GRIA1: variants seen among roughly 807,000 people sequenced by gnomAD.
GRIA1 encodes the protein glutamate ionotropic receptor AMPA type subunit 1, also known as glutamate receptor 1.
In GRIA1, 31 loss-of-function variants were observed where a neutral mutation model predicts 99.2. That is an observed-to-expected ratio of 0.31 (90% CI 0.23 to 0.42). The LOEUF is 0.42. GRIA1 is among the 10% of genes least tolerant of loss of function. The pLI, the probability that GRIA1 is intolerant of heterozygous loss-of-function variation, is 1.00. For missense variants in GRIA1, 782 were observed against 1,157.5 expected (o/e 0.68, Z 4.71); for synonymous variants, 438 against 432.4 (o/e 1.01, Z -0.16).
chr5:153,807,440 T>G (rs902594821), intron 15 of GRIA1, among the ~76,000 whole-genome samples: 11 of 152,214 alleles, frequency 7.2e-5, no homozygotes, highest in African/African-American at 2.2e-4. Context: ...GATAAAAGAA[T>G]GGGTCAGTCA....
At chr5:153,560,470 A>AC (rs1482549273) in intron 2 of GRIA1, among the ~76,000 whole-genome samples, 2 of 152,070 alleles carry the variant, frequency 1.3e-5, no homozygotes, top group Non-Finnish European at 1.5e-5. Context: ...CAAGGGAGGG[A>AC]CCAGGTGGGA....
At chr5:153,524,829 T>C (rs1757459561) in intron 2 of GRIA1, among the ~76,000 whole-genome samples, 1 of 152,218 alleles carries the variant, frequency 6.6e-6, no homozygotes, top group African/African-American at 2.4e-5. Flanking sequence ...CCAGTGAACC[T>C]GTAATATAGT....
chr5:153,588,373 A>G (rs1763679886), intron 2 of GRIA1, among the ~76,000 whole-genome samples: 1 of 151,972 alleles, frequency 6.6e-6, no homozygotes. Context: ...TTACTCCTCT[A>G]CTCCAAAAAA....
At chr5:153,663,075 G>A (rs181087677) in intron 5 of GRIA1, among the ~76,000 whole-genome samples, 1 of 152,254 alleles carries the variant, frequency 6.6e-6, no homozygotes, top group African/African-American at 2.4e-5. Flanking sequence ...AACCCCAGAT[G>A]CCAAAGGATG....
At chr5:153,524,138 C>G (rs1757398248) in intron 2 of GRIA1, among the ~76,000 whole-genome samples, 1 of 152,114 alleles carries the variant, frequency 6.6e-6, no homozygotes, top group Admixed American at 6.5e-5. Context: ...TCAGCCTGAC[C>G]AACATGGTGA....
chr5:153,641,046 C>T (rs1422894), intron 2 of GRIA1, among the ~76,000 whole-genome samples: 62,934 of 151,938 alleles, frequency 0.41, 14,013 homozygotes, highest in Non-Finnish European at 0.5. Context: ...AAGCACATCC[C>T]TTGATGTTAC....
intron 8 of GRIA1, among the ~76,000 whole-genome samples, chr5:153,688,920 C>T (rs1261127062): frequency 3.9e-5 from 6 of 152,060 alleles, no homozygotes; most frequent in Non-Finnish European, 5.9e-5. Flanking sequence ...GGGTTTCTCA[C>T]GACGTTGGCC....
chr5:153,621,445 T>A (rs1313432527), intron 2 of GRIA1, among the ~76,000 whole-genome samples: 1 of 150,130 alleles, frequency 6.7e-6, no homozygotes, highest in African/African-American at 2.4e-5. Flanking sequence ...TTACAAAAAA[T>A]TTAAAATTGT....
intron 11 of GRIA1, among the ~76,000 whole-genome samples, chr5:153,707,599 A>C (rs1759000061): frequency 6.6e-6 from 1 of 152,220 alleles, no homozygotes. Context: ...ATCTGGAGGC[A>C]TAAGTGCATA....
intron 2 of GRIA1, among the ~76,000 whole-genome samples, chr5:153,558,795 GTATC>G (rs1760871252): frequency 6.6e-6 from 1 of 152,084 alleles, no homozygotes; most frequent in Non-Finnish European, 1.5e-5. Context: ...ATACATTAAT[GTATC>G]TATAATTTTT....
At position 153,724,061 on chromosome 5, in the gene GRIA1, G is replaced by A. The variant is rs10071612; in HGVS notation, c.1823+17994G>A. On this transcript the variant is annotated intron_variant, in intron 11 of 15. Transcript: ENST00000285900. ...TCTGAGACAAAACTTCCAGAGGAAC[G>A]ATCAGACAGCAGCATTTGCGGTTCA... Among the ~76,000 whole-genome samples the A allele has an allele frequency of 3.3e-3, 501 of 152,288 alleles. 2 individuals carry two copies. The highest frequency in any genetic ancestry group is 0.011 in the African/African-American group (472 of 41,544).
At chr5:153,784,690 C>A (rs2926855) in intron 13 of GRIA1, among the ~76,000 whole-genome samples, 93,117 of 151,952 alleles carry the variant, frequency 0.61, 29,454 homozygotes, top group East Asian at 0.94. Context: ...GATAGCCTCT[C>A]CCAGTTCACT....
chr5:153,511,711 T>C (rs542622920), intron 2 of GRIA1, among the ~76,000 whole-genome samples: 92 of 152,346 alleles, frequency 6.0e-4, no homozygotes, highest in Non-Finnish European at 1.0e-3. Flanking sequence ...CAGGTCACGA[T>C]GCTAACACAG....
At chr5:153,530,883 A>G (rs1013558728) in intron 2 of GRIA1, among the ~76,000 whole-genome samples, 2 of 152,258 alleles carry the variant, frequency 1.3e-5, no homozygotes, top group African/African-American at 4.8e-5. Flanking sequence ...TGTGCCAGTT[A>G]CTGTGCCAGG....
At chr5:153,810,514 C>T (rs1252923104) in intron 15 of GRIA1, among the ~76,000 whole-genome samples, 2 of 152,198 alleles carry the variant, frequency 1.3e-5, no homozygotes, top group Non-Finnish European at 2.9e-5. Flanking sequence ...CATGCGGTAG[C>T]ACCATTCTTG....
chr5:153,551,333 C>T (rs78929668), intron 2 of GRIA1, among the ~76,000 whole-genome samples: 1,404 of 140,224 alleles, frequency 0.01, 22 homozygotes, highest in African/African-American at 0.033. Context: ...GGAATAAAAT[C>T]GGATCTTTTT....
At chr5:153,764,374 C>T (rs1395782822) in intron 11 of GRIA1, 60 bp from the exon 12 acceptor site, 45 of 1,347,308 alleles carry the variant, frequency 3.3e-5, no homozygotes, top group South Asian at 2.1e-4. Flanking sequence ...CTCAGTCCCT[C>T]CCCAGAGCTT....
At chr5:153,692,197 T>A (rs1757814322) in intron 8 of GRIA1, among the ~76,000 whole-genome samples, 1 of 152,210 alleles carries the variant, frequency 6.6e-6, no homozygotes, top group African/African-American at 2.4e-5. Context: ...GGAAACGACA[T>A]CCTTGACCAA....
Position 153,501,365 on chromosome 5 carries a change from A to C in GRIA1, c.220+7300A>C, listed in dbSNP as rs1022227171. On this transcript the variant is annotated intron_variant, in intron 2 of 15. Transcript: ENST00000285900. Reference sequence around the variant, plus strand: ...GAAAGGGCCATGATTCTATGAAAGCATATACAAAGGAACCAGCTCGTGCAG... The same window carrying C: ...GAAAGGGCCATGATTCTATGAAAGCCTATACAAAGGAACCAGCTCGTGCAG... Among the ~76,000 whole-genome samples, 10 of 152,326 alleles carry C rather than the reference A, an allele frequency of 6.6e-5. No homozygotes were observed. The East Asian group carries it at 1.9e-3, about 29-fold the overall frequency.
Sources: gnomAD v4.1 joint callset for allele counts (sites outside exome capture counted in the v4.1 genomes callset) on GRCh38, gnomAD v4.1.1 for gene constraint, MANE v1.5 for transcripts, NCBI Gene and HGNC (gene_info 2026-07-23, HGNC 2026-07-21) for gene names.